TNRC18: variants seen among roughly 807,000 people sequenced by gnomAD.
TNRC18 encodes trinucleotide repeat-containing gene 18 protein.
A neutral mutation model predicts 226.7 loss-of-function variants in TNRC18; 69 were observed. That is an observed-to-expected ratio of 0.30 (90% CI 0.25 to 0.37). The LOEUF (loss-of-function observed/expected upper bound fraction) is 0.37. Among genes scored for constraint, TNRC18 ranks in the 10% least tolerant of loss-of-function variants. The pLI is 1.00. For missense variants in TNRC18, 4,754 were observed against 4,256.6 expected, an observed-to-expected ratio of 1.12 and a Z score of -3.25; for synonymous variants, 2,449 against 1,927.6, an observed-to-expected ratio of 1.27 and a Z score of -7.09.
intron 24 of TNRC18, among the ~76,000 whole-genome samples, chr7:5,319,078 G>A (rs1363615414): frequency 6.6e-6 from 1 of 152,204 alleles, no homozygotes; most frequent in Non-Finnish European, 1.5e-5. Context: ...AACACAGCCA[G>A]CACCTCCCAG....
chr7:5,422,445 C>A (rs978929367), intron 1 of TNRC18, among the ~76,000 whole-genome samples: 1 of 151,854 alleles, frequency 6.6e-6, no homozygotes, highest in African/African-American at 2.4e-5. Flanking sequence ...CAGGTTAAAG[C>A]TGTTTGTTTA....
chr7:5,376,227 G>A lies in TNRC18; in HGVS notation c.2609-3C>T. 1 of 1,493,792 alleles carries A rather than the reference G, an allele frequency of 6.7e-7. No homozygotes were observed. The highest frequency in any genetic ancestry group is 8.9e-7 in the Non-Finnish European group (1 of 1,126,334). The allele number at this position is 1,493,792 out of a possible 1,614,324, so 92.5% of individuals were successfully genotyped here. A position where few individuals can be genotyped will look rare whatever the true frequency, so the allele number is the denominator to read the frequency against. On this transcript the variant is annotated splice_polypyrimidine_tract_variant and splice_region_variant and intron_variant, in intron 8 of 29. Transcript: ENST00000430969. ...GGTGGCCCGCTCCATCAGCTCCGCT[G>A]CAGGGACAGAGACAGTGCGCTGCAC... is the stretch of plus-strand genomic sequence containing the variant.
At chr7:5,372,508 C>T (rs1347655363) in intron 10 of TNRC18, among the ~76,000 whole-genome samples, 2 of 151,628 alleles carry the variant, frequency 1.3e-5, no homozygotes, top group Non-Finnish European at 2.9e-5. Context: ...CAGGCGTGAG[C>T]CACTGTGCCT....
At chr7:5,407,567 C>T (rs1277080562) in intron 2 of TNRC18, among the ~76,000 whole-genome samples, 1 of 152,252 alleles carries the variant, frequency 6.6e-6, no homozygotes, top group Non-Finnish European at 1.5e-5. Context: ...GGCTTAATTC[C>T]AGTCCCTCTC....
At chr7:5,369,833 CA>C (rs2128171339) in intron 11 of TNRC18, among the ~76,000 whole-genome samples, 1 of 152,198 alleles carries the variant, frequency 6.6e-6, no homozygotes, top group African/African-American at 2.4e-5. Flanking sequence ...GAAATTTCAC[CA>C]CCAGGAAACC....
chr7:5,320,119 C>A, intron 24 of TNRC18, 199 bp downstream of exon 24: 1 of 568,738 alleles, frequency 1.8e-6, no homozygotes, highest in Middle Eastern at 4.7e-4. Flanking sequence ...GCACTGCTGA[C>A]AGATACTCAG....
intron 2 of TNRC18, among the ~76,000 whole-genome samples, chr7:5,414,634 G>A (rs1047111555): frequency 2.0e-5 from 3 of 151,844 alleles, no homozygotes; most frequent in South Asian, 2.1e-4. Context: ...GGATGGTCTC[G>A]ATCTCCTGAC....
rs903499258 is a variant in TNRC18, at chr7:5,345,882, C to A, written c.5471-72G>T. 3 of 1,480,254 alleles carry A rather than the reference C, an allele frequency of 2.0e-6. No individual in the cohort carries two copies. In the African/African-American group the frequency reaches 4.2e-5, roughly 21 times the overall value. The allele number at this position is 1,480,254 out of a possible 1,614,324, so 91.7% of individuals were successfully genotyped here. A position where few individuals can be genotyped will look rare whatever the true frequency, so the allele number is the denominator to read the frequency against. On this transcript the variant is annotated intron_variant, in intron 17 of 29. Coordinates refer to ENST00000430969, the MANE Select transcript of TNRC18 (RefSeq NM_001080495.3). ...AGGGCCACCCCCCACCGCCCCCTGG[C>A]CCAGAGTGGCCTCTGGGCTCCAGCC...
chr7:5,420,557 C>T, intron 2 of TNRC18: 1 of 447,690 alleles, frequency 2.2e-6, no homozygotes, highest in South Asian at 1.6e-5. Flanking sequence ...CCCCGGCGTA[C>T]TCCCGCATCC....
At chr7:5,326,513 C>G (rs958434810) in intron 19 of TNRC18, among the ~76,000 whole-genome samples, 2 of 152,112 alleles carry the variant, frequency 1.3e-5, no homozygotes, top group African/African-American at 4.8e-5. Context: ...GGCACAATGA[C>G]AGCTGACTGA....
chr7:5,315,089 T>C lies in TNRC18; in HGVS notation c.6922A>G (p.Ser2308Gly), dbSNP rs771014935. 23 of 1,612,842 alleles carry C rather than the reference T, an allele frequency of 1.4e-5. No individual in the cohort carries two copies. The highest frequency in any genetic ancestry group is 1.2e-4 in the African/African-American group (9 of 74,918). The change falls in exon 26 of 30, where the codon AGC becomes GGC. Residue 2308 changes from serine to glycine, a missense_variant. Coordinates refer to ENST00000430969, the MANE Select transcript of TNRC18 (RefSeq NM_001080495.3). ...PSAKRRSRKTSKDTGEGKDGG... is the reference protein window; with the variant it reads ...PSAKRRSRKTGKDTGEGKDGG... ...TCTTTGCCCTCCCCAGTGTCTTTGC[T>C]GGTCTTCCGGCTGCGGCGCTTGGCA...
Position 5,370,556 on chromosome 7 carries a change from C to A in TNRC18, c.4038G>T (p.Ala1346=), listed in dbSNP as rs531801163. Residue 1346 remains alanine (A), a synonymous_variant, in exon 11 of 30, where the codon GCG becomes GCT. Transcript: ENST00000430969. The part of the protein sequence containing the change: ...EDPLAGMNAL[A]AAAELPQARP... ...TGGCCTGGGGCAGCTCCGCAGCTGC[C>A]GCCAGGGCGTTCATGCCAGCCAGTG... 5.0e-6 allele frequency: 8 copies of A among 1,610,098 alleles called. No individual in the cohort carries two copies. The highest frequency in any genetic ancestry group is 6.8e-6 in the Non-Finnish European group (8 of 1,178,458).
chr7:5,379,816 C>G (rs768809752), intron 5 of TNRC18, among the ~76,000 whole-genome samples: 9 of 152,336 alleles, frequency 5.9e-5, no homozygotes, highest in Admixed American at 1.3e-4. Flanking sequence ...GGCGGAGGCA[C>G]GGCTGATACT....
rs1003164375 is a variant in TNRC18 at position 5,377,483 on chromosome 7, C to T, written c.2349G>A (p.Pro783=). The T allele has an allele frequency of 1.1e-5, 17 of 1,581,598 alleles. No homozygotes were observed. Among genetic ancestry groups the T allele is most frequent in the Middle Eastern group, 1.7e-4 (1 of 5,960 alleles). The change falls in exon 7 of 30, where the codon CCG becomes CCA. Residue 783 remains proline (P), a synonymous_variant. Coordinates refer to ENST00000430969, the MANE Select transcript of TNRC18 (RefSeq NM_001080495.3). This position sits in a 1 kb window ranked among gnomAD's most constrained non-coding sequence, Gnocchi z 5.8. The part of the protein sequence containing the change: ...LNPNLMVTGG[P]ALAGSGRWSA... ...ACCAGCGACCTGAGCCCGCCAGCGC[C>T]GGGCCCCCCGTCACCATGAGGTTGG...
chr7:5,327,670 T>C (rs181862834), intron 19 of TNRC18, among the ~76,000 whole-genome samples: 5 of 152,160 alleles, frequency 3.3e-5, no homozygotes, highest in Non-Finnish European at 5.9e-5. Context: ...ACTGTTATAA[T>C]CAGATAAAGC....
intron 2 of TNRC18, among the ~76,000 whole-genome samples, chr7:5,397,172 T>G (rs1292403700): frequency 2.0e-5 from 3 of 151,858 alleles, no homozygotes; most frequent in Admixed American, 2.0e-4. Flanking sequence ...GGCCAGTCAG[T>G]TCATCCATGC....
chr7:5,377,342 A>G lies in TNRC18; in HGVS notation c.2461+29T>C, dbSNP rs1411578192. 3 of 1,425,970 alleles carry G rather than the reference A, an allele frequency of 2.1e-6. No individual in the cohort carries two copies. Among genetic ancestry groups the G allele is most frequent in the Non-Finnish European group, 1.9e-6 (2 of 1,056,672 alleles). 88.3% of individuals were successfully genotyped at this position (1,425,970 alleles called of 1,614,324 possible). On this transcript the variant is annotated intron_variant, in intron 7 of 29. Coordinates refer to ENST00000430969, the MANE Select transcript of TNRC18 (RefSeq NM_001080495.3). The surrounding 1 kb of genome is among the most constrained non-coding windows in gnomAD (Gnocchi z 5.8). ...CCCCCTCCCACCCCTCCCTCAGAGAAGGGGAGAGACCCTGTGCCCCACACT... is the reference window on the plus strand; with the variant it reads ...CCCCCTCCCACCCCTCCCTCAGAGAGGGGGAGAGACCCTGTGCCCCACACT...
At position 5,312,909 on chromosome 7, in the gene TNRC18, G is replaced by A. The variant is rs760867022; in HGVS notation, c.7982C>T (p.Ser2661Phe). The A allele has an allele frequency of 2.0e-6, 3 of 1,507,494 alleles. No homozygotes were observed. The highest frequency in any genetic ancestry group is 2.0e-5 in the Admixed American group (1 of 48,866). 93.4% of individuals were successfully genotyped at this position (1,507,494 alleles called of 1,614,324 possible). A position where few individuals can be genotyped will look rare whatever the true frequency, so the allele number is the denominator to read the frequency against. ...SSSSSSSSSSSSSSSSSSSSS... is the reference protein window; with the variant it reads ...SSSSSSSSSSFSSSSSSSSSS... Reference sequence around the variant, plus strand: ...AGAAGAGGAGGAAGAGGAGGAGGAGGAGGAGGATGAGGACGAGGAAGAGGA... The same window carrying A: ...AGAAGAGGAGGAAGAGGAGGAGGAGAAGGAGGATGAGGACGAGGAAGAGGA... The change falls in exon 27 of 30, where the codon TCC becomes TTC. Residue 2661 changes from serine (S) to phenylalanine (F), a missense_variant. Transcript: ENST00000430969. This position sits in a 1 kb window ranked among gnomAD's most constrained non-coding sequence, Gnocchi z 6.3.
At chr7:5,357,421 T>C in intron 15 of TNRC18, 145 bp from the exon 16 acceptor site, 1 of 965,940 alleles carries the variant, frequency 1.0e-6, no homozygotes, top group Non-Finnish European at 1.5e-6. Flanking sequence ...TATATTTATT[T>C]TTTTTTTAGA....
Sources: allele counts gnomAD v4.1 joint callset (sites outside exome capture counted in the v4.1 genomes callset), GRCh38; gene constraint gnomAD v4.1.1; non-coding constraint Gnocchi (gnomAD v3.1); transcripts MANE v1.5; gene names NCBI Gene and HGNC (gene_info 2026-07-23, HGNC 2026-07-21).